The following LRRC4C variants were observed in gnomAD, a reference collection of about 807,000 sequenced individuals.
LRRC4C encodes leucine rich repeat containing 4C.
LRRC4C carries 5 observed loss-of-function variants against 33.6 expected under a neutral mutation model. That is an observed-to-expected ratio of 0.15 (90% CI 0.08 to 0.31). LRRC4C has a LOEUF of 0.31. LRRC4C is among the 10% of genes least tolerant of loss of function. LRRC4C has a pLI of 1.00. For missense variants in LRRC4C, 560 were observed against 796.7 expected, an observed-to-expected ratio of 0.70 and a Z score of 3.58; for synonymous variants, 329 against 302.0, an observed-to-expected ratio of 1.09 and a Z score of -0.93.
intron 3 of LRRC4C, among the ~76,000 whole-genome samples, chr11:40,438,705 T>C (rs142461949): frequency 6.6e-6 from 1 of 152,310 alleles, no homozygotes; most frequent in African/African-American, 2.4e-5. Context: ...CATAAATGCA[T>C]ATATTTCTTG....
At chr11:40,590,005 C>A (rs1391999973) in intron 3 of LRRC4C, among the ~76,000 whole-genome samples, 1 of 151,638 alleles carries the variant, frequency 6.6e-6, no homozygotes, top group South Asian at 2.1e-4. Flanking sequence ...TCTGTATTTC[C>A]TGAATCTGAA....
chr11:41,196,274 G>T (rs368133556), intron 1 of LRRC4C, among the ~76,000 whole-genome samples: 108 of 152,160 alleles, frequency 7.1e-4, no homozygotes, highest in African/African-American at 2.5e-3. Flanking sequence ...ACTTTTGAGC[G>T]TAGGAAAGAA....
At chr11:41,263,315 G>T (rs1949043399) in intron 1 of LRRC4C, among the ~76,000 whole-genome samples, 1 of 152,156 alleles carries the variant, frequency 6.6e-6, no homozygotes, top group Middle Eastern at 3.4e-3. Context: ...AATAATTCAA[G>T]ATTTGTGAAC....
chr11:40,417,129 A>G (rs1342291665), intron 3 of LRRC4C, among the ~76,000 whole-genome samples: 1 of 152,228 alleles, frequency 6.6e-6, no homozygotes, highest in Non-Finnish European at 1.5e-5. Context: ...TTCATTAGCT[A>G]TATGACCTTG....
intron 5 of LRRC4C, among the ~76,000 whole-genome samples, chr11:40,161,949 A>G (rs774004135): frequency 2.6e-5 from 4 of 152,140 alleles, no homozygotes; most frequent in Non-Finnish European, 5.9e-5. Context: ...AGTCTGGGTA[A>G]TGCATAAATA....
intron 4 of LRRC4C, among the ~76,000 whole-genome samples, chr11:40,273,228 G>A (rs577921953): frequency 1.3e-5 from 2 of 152,214 alleles, no homozygotes; most frequent in East Asian, 1.9e-4. Flanking sequence ...TAGAGTTATG[G>A]GGGAAGATAG....
chr11:40,496,975 A>G (rs1258842180), intron 3 of LRRC4C, among the ~76,000 whole-genome samples: 1 of 152,194 alleles, frequency 6.6e-6, no homozygotes, highest in African/African-American at 2.4e-5. Context: ...GCGTCCTCTC[A>G]TGGCTCCTAA....
At chr11:40,488,477 A>AGCCTTGCT (rs1953982883) in intron 3 of LRRC4C, among the ~76,000 whole-genome samples, 1 of 149,842 alleles carries the variant, frequency 6.7e-6, no homozygotes, top group Non-Finnish European at 1.5e-5. Flanking sequence ...ACAGTACATC[A>AGCCTTGCT]ACCTTTGCTT....
At chr11:40,510,684 C>T (rs1955269529) in intron 3 of LRRC4C, among the ~76,000 whole-genome samples, 1 of 152,146 alleles carries the variant, frequency 6.6e-6, no homozygotes, top group South Asian at 2.1e-4. Flanking sequence ...AATAGCAACT[C>T]ACAATGTGAG....
At chr11:40,138,978 AT>A (rs1369676230) in intron 6 of LRRC4C, among the ~76,000 whole-genome samples, 1 of 152,176 alleles carries the variant, frequency 6.6e-6, no homozygotes, top group Non-Finnish European at 1.5e-5. Flanking sequence ...CAATTCTTTC[AT>A]TTTTGAAGAA....
At chr11:40,762,959 T>C (rs1391557033) in intron 2 of LRRC4C, among the ~76,000 whole-genome samples, 2 of 151,764 alleles carry the variant, frequency 1.3e-5, no homozygotes, top group African/African-American at 4.8e-5. Flanking sequence ...TCAAAAATTT[T>C]TGCATATTAA....
At chr11:40,180,877 C>A (rs1860935510) in intron 5 of LRRC4C, among the ~76,000 whole-genome samples, 1 of 152,166 alleles carries the variant, frequency 6.6e-6, no homozygotes, top group South Asian at 2.1e-4. Context: ...TCCCCACAGG[C>A]TTGAATTTTA....
chr11:40,682,303 T>C (rs1239182489), intron 2 of LRRC4C, among the ~76,000 whole-genome samples: 2 of 150,162 alleles, frequency 1.3e-5, no homozygotes, highest in Non-Finnish European at 3.0e-5. Context: ...TAACTCACTG[T>C]GCTAGAAAAG....
chr11:41,351,059 G>C (rs147905342), intron 1 of LRRC4C, among the ~76,000 whole-genome samples: 2 of 152,046 alleles, frequency 1.3e-5, no homozygotes, highest in African/African-American at 4.8e-5. Flanking sequence ...ACAAGACCTC[G>C]TGTCTTTTAA....
At chr11:40,952,917 CTCTCTCTT>C (rs1483837254) in intron 1 of LRRC4C, among the ~76,000 whole-genome samples, 4 of 149,864 alleles carry the variant, frequency 2.7e-5, no homozygotes, top group African/African-American at 1.0e-4. Flanking sequence ...CTCTCTCTCT[CTCTCTCTT>C]TCTCTCTTTT....
At chr11:41,108,412 A>G (rs1045927350) in intron 1 of LRRC4C, among the ~76,000 whole-genome samples, 12 of 152,228 alleles carry the variant, frequency 7.9e-5, no homozygotes, top group African/African-American at 2.9e-4. Flanking sequence ...TCCCTACTTG[A>G]TTATAATTCA....
At chr11:40,684,577 AT>A (rs529860297) in intron 2 of LRRC4C, among the ~76,000 whole-genome samples, 3 of 151,840 alleles carry the variant, frequency 2.0e-5, no homozygotes, top group African/African-American at 7.2e-5. Flanking sequence ...GAGTTGAAGG[AT>A]TTTTTTTAGA....
intron 1 of LRRC4C, among the ~76,000 whole-genome samples, chr11:41,162,473 C>T (rs1036373933): frequency 1.3e-5 from 2 of 152,056 alleles, no homozygotes; most frequent in Non-Finnish European, 2.9e-5. Context: ...CATTGCTAGG[C>T]GATTTCTTCA....
At chr11:40,618,492 T>A (rs1962097356) in intron 3 of LRRC4C, among the ~76,000 whole-genome samples, 1 of 151,716 alleles carries the variant, frequency 6.6e-6, no homozygotes, top group Admixed American at 6.6e-5. Context: ...AGTCACCTGG[T>A]TTATGGTAAT....
Sources: allele counts gnomAD v4.1 joint callset (sites outside exome capture counted in the v4.1 genomes callset), GRCh38; gene constraint gnomAD v4.1.1; transcripts MANE v1.5; gene names NCBI Gene and HGNC (gene_info 2026-07-23, HGNC 2026-07-21).